HIPK1: variants seen among roughly 807,000 people sequenced by gnomAD.
The protein encoded by HIPK1 is homeodomain interacting protein kinase 1, also known as homeodomain-interacting protein kinase 1.
A neutral mutation model predicts 117.1 loss-of-function variants in HIPK1; 28 were observed. The observed-to-expected ratio is 0.24, with a 90% CI of 0.18 to 0.33. HIPK1 has a LOEUF of 0.33. Among genes scored for constraint, HIPK1 ranks in the 10% least tolerant of loss-of-function variants. HIPK1 has a pLI of 1.00. For missense variants in HIPK1, 1,122 were observed against 1,475.1 expected (o/e 0.76, Z 3.92); for synonymous variants, 605 against 562.5 (o/e 1.08, Z -1.07).
At chr1:113,937,661 G>A (rs1670340960) in intron 1 of HIPK1, among the ~76,000 whole-genome samples, 1 of 152,050 alleles carries the variant, frequency 6.6e-6, no homozygotes, top group Admixed American at 6.6e-5. Context: ...TACATGTGCC[G>A]GAGCTTATAC....
chr1:113,965,724 A>C (rs557496499), intron 10 of HIPK1, among the ~76,000 whole-genome samples: 1 of 152,322 alleles, frequency 6.6e-6, no homozygotes, highest in Non-Finnish European at 1.5e-5. Context: ...ATTGGCAGTC[A>C]GATTAAAAAA....
Position 113,931,882 on chromosome 1 carries a change from A to G in HIPK1, c.-3+2350A>G, listed in dbSNP as rs75344970. On this transcript the variant is annotated intron_variant, in intron 1 of 15. Transcript: ENST00000426820. ...ATGAGCTGCTTGATCTGCCACCTGC[A>G]TGAGTGTATAACAGCAGTCTGTATT... Among the ~76,000 whole-genome samples the G allele has an allele frequency of 1.4e-3, 207 of 152,340 alleles. 2 individuals are homozygous for G. Among genetic ancestry groups the G allele is most frequent in the African/African-American group, 4.5e-3 (186 of 41,578 alleles).
chr1:113,958,794 T>G (rs1308499767), intron 8 of HIPK1, among the ~76,000 whole-genome samples: 1 of 152,238 alleles, frequency 6.6e-6, no homozygotes, highest in East Asian at 1.9e-4. Flanking sequence ...CATTATTTAT[T>G]GAACTAAAAA....
intron 8 of HIPK1, among the ~76,000 whole-genome samples, chr1:113,960,691 G>A (rs769557597): frequency 2.6e-5 from 4 of 152,060 alleles, no homozygotes; most frequent in Non-Finnish European, 4.4e-5. Context: ...CATTGCCTAC[G>A]GAAGCATGGC....
chr1:113,960,792 A>G (rs976323404), intron 8 of HIPK1, among the ~76,000 whole-genome samples: 4 of 152,230 alleles, frequency 2.6e-5, no homozygotes, highest in Admixed American at 6.5e-5. Context: ...TGATTTTACT[A>G]TGCCCTCTTA....
At chr1:113,959,152 AC>A (rs1227281465) in intron 8 of HIPK1, among the ~76,000 whole-genome samples, 4 of 152,106 alleles carry the variant, frequency 2.6e-5, no homozygotes, top group Non-Finnish European at 5.9e-5. Context: ...GTGAGAATAA[AC>A]CAGGATTCAG....
chr1:113,947,811 A>G (rs753568381), intron 2 of HIPK1, among the ~76,000 whole-genome samples: 9 of 152,216 alleles, frequency 5.9e-5, no homozygotes, highest in Non-Finnish European at 1.2e-4. Context: ...GCCATGTTCA[A>G]AGCACAATTA....
intron 2 of HIPK1, among the ~76,000 whole-genome samples, chr1:113,949,661 CTG>C (rs529796868): frequency 6.7e-6 from 1 of 149,164 alleles, no homozygotes; most frequent in Non-Finnish European, 1.5e-5. Context: ...TGCAGTGGCA[CTG>C]TGTCAGCTCA....
At position 113,940,976 on chromosome 1, in the gene HIPK1, G is replaced by C; in HGVS notation, c.593G>C (p.Arg198Pro). The change falls in exon 2 of 16, where the codon CGG (arginine) becomes CCG (proline). Residue 198 changes from arginine (R) to proline (P), a missense_variant. By Grantham distance (103) the Arg-to-Pro change is moderately radical. Around this residue, in one of 6 missense-constraint regions of HIPK1, gnomAD observed 2 missense variants for 19.9 expected, o/e 0.10. Transcript: ENST00000426820. ...TATGAAGTCTTGGAGTTCCTAGGCC[G>C]GGGGACATTTGGACAGGTGGCTAAG... ...NSYEVLEFLG[R>P]GTFGQVAKCW... The C allele has an allele frequency of 6.2e-7, 1 of 1,614,094 alleles. No individual in the cohort carries two copies. Among genetic ancestry groups the C allele is most frequent in the Non-Finnish European group, 8.5e-7 (1 of 1,180,024 alleles).
At chr1:113,949,161 G>A (rs1224988552) in intron 2 of HIPK1, among the ~76,000 whole-genome samples, 2 of 152,098 alleles carry the variant, frequency 1.3e-5, no homozygotes, top group East Asian at 3.9e-4. Context: ...TTTTAAAGAA[G>A]AAAGTTATAG....
intron 2 of HIPK1, among the ~76,000 whole-genome samples, chr1:113,948,765 G>T (rs1671150056): frequency 6.6e-6 from 1 of 151,854 alleles, no homozygotes; most frequent in African/African-American, 2.4e-5. Context: ...GGACTTGGGG[G>T]CTGTGGAAGT....
rs768769249 is a variant in HIPK1, at chr1:113,929,450, C to G, written c.-85C>G. ...CACGCTGGCTCCCTACGGAGGCCCA[C>G]CTACTCGAGGCCCACCGACTCCTAC... On this transcript the variant is annotated 5_prime_UTR_variant, in exon 1 of 16. Transcript: ENST00000426820. 2 of 1,289,402 alleles carry G rather than the reference C, an allele frequency of 1.6e-6. 1 individual carries two copies. The highest frequency in any genetic ancestry group is 4.3e-4 in the Middle Eastern group (2 of 4,692). The allele number at this position is 1,289,402 out of a possible 1,614,324, so 79.9% of individuals were successfully genotyped here.
At chr1:113,968,356 G>A (rs1672593161) in intron 12 of HIPK1, 86 bp from the exon 13 acceptor site, 1 of 935,840 alleles carries the variant, frequency 1.1e-6, no homozygotes. Context: ...GAATCAATGA[G>A]TAAATTGGAA....
intron 2 of HIPK1, among the ~76,000 whole-genome samples, chr1:113,943,357 A>T (rs1182420241): frequency 1.3e-5 from 2 of 152,222 alleles, no homozygotes; most frequent in African/African-American, 4.8e-5. Context: ...TATTCTAGAT[A>T]CTGCATGTAA....
intron 1 of HIPK1, chr1:113,930,425 T>C (rs1316041156): frequency 6.6e-6 from 1 of 152,374 alleles, no homozygotes; most frequent in African/African-American, 2.4e-5. Context: ...TTCTGTCGTC[T>C]CCGCTGATGT....
intron 2 of HIPK1, among the ~76,000 whole-genome samples, chr1:113,942,111 T>C (rs899901434): frequency 4.0e-5 from 6 of 149,814 alleles, no homozygotes; most frequent in Non-Finnish European, 4.4e-5. Flanking sequence ...CAGGCTAGAG[T>C]GCAGTGGTGT....
At chr1:113,930,072 T>C in intron 1 of HIPK1, 1 of 952,198 alleles carries the variant, frequency 1.1e-6, no homozygotes, top group Non-Finnish European at 1.3e-6. Context: ...AAAGGGCCCC[T>C]GCCTGGGACC....
intron 2 of HIPK1, among the ~76,000 whole-genome samples, chr1:113,951,777 C>G (rs965493617): frequency 6.6e-6 from 1 of 152,118 alleles, no homozygotes; most frequent in Non-Finnish European, 1.5e-5. Context: ...ACAGAGAGAT[C>G]AAGTAATATA....
intron 1 of HIPK1, chr1:113,933,079 A>G (rs1267310266): frequency 1.9e-6 from 1 of 531,238 alleles, no homozygotes; most frequent in Non-Finnish European, 2.4e-6. Context: ...GCAGGTACTA[A>G]AATGTAGTAC....
Sources: gnomAD v4.1 joint callset for allele counts (sites outside exome capture counted in the v4.1 genomes callset) on GRCh38, gnomAD v4.1.1 for gene constraint, gnomAD v4.1.1 regional missense constraint, MANE v1.5 for transcripts, NCBI Gene and HGNC (gene_info 2026-07-23, HGNC 2026-07-21) for gene names.